ZNF112: variants seen among roughly 807,000 people sequenced by gnomAD.
ZNF112 encodes the protein zinc finger protein 112 (Y14).
A neutral mutation model predicts 77.7 loss-of-function variants in ZNF112; 37 were observed. That is an observed-to-expected ratio of 0.48 (90% CI 0.37 to 0.63). ZNF112 has a LOEUF of 0.63. ZNF112 is among the 20% of genes least tolerant of loss of function. The pLI is 0.00. For missense variants in ZNF112, 950 were observed against 1,077.4 expected (o/e 0.88, Z 1.66); for synonymous variants, 333 against 363.6 (o/e 0.92, Z 0.96).
chr19:44,360,165 A>G (rs1385283532), upstream of ZNF112, among the ~76,000 whole-genome samples: 1 of 151,662 alleles, frequency 6.6e-6, no homozygotes, highest in Non-Finnish European at 1.5e-5. Context: ...CTGAGGTGGG[A>G]GAATCGCTTG....
At chr19:44,351,332 G>GA (rs1480875525) in intron 1 of ZNF112, among the ~76,000 whole-genome samples, 2 of 152,020 alleles carry the variant, frequency 1.3e-5, no homozygotes, top group African/African-American at 4.8e-5. Context: ...TGGGAATTAG[G>GA]ATATGGACAT....
At chr19:44,357,664 G>T (rs1048676207), upstream of ZNF112, among the ~76,000 whole-genome samples, 2 of 152,154 alleles carry the variant, frequency 1.3e-5, no homozygotes, top group African/African-American at 4.8e-5. Context: ...ATGATGAAAT[G>T]CAAGTCATAA....
upstream of ZNF112, among the ~76,000 whole-genome samples, chr19:44,357,001 G>A (rs1444175976): frequency 1.3e-5 from 2 of 152,174 alleles, no homozygotes; most frequent in Non-Finnish European, 2.9e-5. Flanking sequence ...TGCATGAAAG[G>A]CGCCTTTCCT....
chr19:44,347,418 T>G (rs1237233067), intron 1 of ZNF112, among the ~76,000 whole-genome samples: 1 of 151,882 alleles, frequency 6.6e-6, no homozygotes, highest in East Asian at 1.9e-4. Context: ...TTTTATTATC[T>G]TTTTTCCTGT....
chr19:44,337,871 A>G, intron 2 of ZNF112, among the ~76,000 whole-genome samples: 1 of 133,530 alleles, frequency 7.5e-6, no homozygotes, highest in African/African-American at 3.2e-5. Context: ...ACACACACAC[A>G]CACACACCCT....
intron 1 of ZNF112, among the ~76,000 whole-genome samples, chr19:44,342,674 G>T (rs187145031): frequency 1.3e-5 from 2 of 151,968 alleles, no homozygotes; most frequent in Non-Finnish European, 2.9e-5. Context: ...AAAATAGCTC[G>T]GTGTGGTGGC....
chr19:44,345,792 T>C (rs1970577876), intron 1 of ZNF112, among the ~76,000 whole-genome samples: 1 of 152,178 alleles, frequency 6.6e-6, no homozygotes, highest in African/African-American at 2.4e-5. Context: ...GTCAATCACT[T>C]GATCTCATAA....
intron 1 of ZNF112, among the ~76,000 whole-genome samples, chr19:44,350,271 T>G (rs1035773905): frequency 2.0e-5 from 3 of 152,080 alleles, no homozygotes; most frequent in Non-Finnish European, 4.4e-5. Flanking sequence ...ACAGTGAACT[T>G]CATTCAAACT....
At chr19:44,334,140 T>C (rs998760723) in intron 3 of ZNF112, among the ~76,000 whole-genome samples, 3 of 152,204 alleles carry the variant, frequency 2.0e-5, no homozygotes, top group African/African-American at 7.2e-5. Flanking sequence ...ATTTATACAT[T>C]TTCCCAACAT....
At position 44,340,470 on chromosome 19, in the gene ZNF112, T is replaced by C; in HGVS notation, c.70A>G (p.Arg24Gly). The change falls in exon 2 of 4, where the codon AGG becomes GGG. Residue 24 changes from arginine (R) to glycine (G), a missense_variant. Arg to Gly is a moderately radical substitution (Grantham distance 125). Transcript: ENST00000354340. Reference protein sequence around the residue: ...EELGLLDSVQRKLYRDVMLEN... With the variant: ...EELGLLDSVQGKLYRDVMLEN... Reference sequence around the variant, plus strand: ...AGCATCACATCTCGGTACAGCTTCCTCTGGACAGAGTCCAGCAGCCCCAGC... The same window carrying C: ...AGCATCACATCTCGGTACAGCTTCCCCTGGACAGAGTCCAGCAGCCCCAGC... 1 of 1,614,074 alleles carries C rather than the reference T, an allele frequency of 6.2e-7. No individual in the cohort carries two copies. The highest frequency in any genetic ancestry group is 8.5e-7 in the Non-Finnish European group (1 of 1,179,974).
chr19:44,364,970 G>A (rs570028309), intron 1 of ZNF112, among the ~76,000 whole-genome samples: 2 of 152,250 alleles, frequency 1.3e-5, no homozygotes, highest in South Asian at 4.1e-4. Context: ...GGTATTATCA[G>A]ATTAATGCTG....
chr19:44,327,931 C>T lies in ZNF112; in HGVS notation c.2226G>A (p.Pro742=), dbSNP rs61733035. 2,620 of 1,609,758 alleles carry T rather than the reference C, an allele frequency of 1.6e-3. 38 individuals carry two copies. In the African/African-American group the frequency reaches 0.031, roughly 19 times the overall value. Residue 742 remains proline (P), a synonymous_variant, in exon 4 of 4, where the codon CCG becomes CCA. Coordinates refer to ENST00000354340, the MANE Select transcript of ZNF112 (RefSeq NM_013380.4). ...CCTTCCCACACATCTCACATTTATA[C>T]GGTTTCACTCTAGTGTGGACTCTCT... The part of the protein sequence containing the change: ...GHQRVHTRVK[P]YKCEMCGKGF...
intron 1 of ZNF112, among the ~76,000 whole-genome samples, chr19:44,342,598 C>T (rs1349604552): frequency 6.6e-6 from 1 of 151,944 alleles, no homozygotes; most frequent in African/African-American, 2.4e-5. Context: ...ACGTAGATCA[C>T]GAGGTCAGGA....
chr19:44,330,633 G>A (rs1473923031), intron 3 of ZNF112, among the ~76,000 whole-genome samples: 2 of 152,290 alleles, frequency 1.3e-5, no homozygotes, highest in Middle Eastern at 3.4e-3. Flanking sequence ...TTACTGAGGA[G>A]GCTGAGGCAG....
At position 44,327,783 on chromosome 19, in the gene ZNF112, C is replaced by A. The variant is rs150947571; in HGVS notation, c.2374G>T (p.Val792Phe). ...ESSRLQAHQRVHVEGRPYKCE... is the reference protein window; with the variant it reads ...ESSRLQAHQRFHVEGRPYKCE... The stretch of plus-strand genomic sequence containing the variant: ...TTATAGGGTCTCCCTTCCACATGAA[C>A]CCTTTGGTGTGCTTGAAGGCGTGAA... Residue 792 changes from valine (V) to phenylalanine (F), a missense_variant, in exon 4 of 4, where the codon GTT becomes TTT. By Grantham distance (50) the Val-to-Phe change is conservative. Transcript: ENST00000354340. 2 of 1,614,092 alleles carry A rather than the reference C, an allele frequency of 1.2e-6. No individual in the cohort carries two copies. Among genetic ancestry groups the A allele is most frequent in the South Asian group, 2.2e-5 (2 of 91,080 alleles).
At chr19:44,350,729 G>A (rs1970675388) in intron 1 of ZNF112, among the ~76,000 whole-genome samples, 1 of 152,028 alleles carries the variant, frequency 6.6e-6, no homozygotes, top group African/African-American at 2.4e-5. Context: ...CCAAACTTCA[G>A]AATTGTAGCA....
upstream of ZNF112, among the ~76,000 whole-genome samples, chr19:44,359,439 C>T (rs2722741): frequency 0.28 from 41,452 of 150,648 alleles, 6,917 homozygotes; most frequent in African/African-American, 0.47. Flanking sequence ...TTCTCCTGCC[C>T]CAGCCTCCCG....
chr19:44,355,504 T>C (rs1045921018), intron 1 of ZNF112, among the ~76,000 whole-genome samples: 9 of 152,174 alleles, frequency 5.9e-5, no homozygotes, highest in African/African-American at 2.2e-4. Flanking sequence ...AAAATCCAAA[T>C]ATGTGTTCTG....
At chr19:44,357,669 T>A (rs909809544), upstream of ZNF112, among the ~76,000 whole-genome samples, 4 of 152,126 alleles carry the variant, frequency 2.6e-5, no homozygotes, top group African/African-American at 9.7e-5. Context: ...GAAATGCAAG[T>A]CATAAGGCAA....
Sources: gnomAD v4.1 joint callset for allele counts (sites outside exome capture counted in the v4.1 genomes callset) on GRCh38, gnomAD v4.1.1 for gene constraint, MANE v1.5 for transcripts, NCBI Gene and HGNC (gene_info 2026-07-23, HGNC 2026-07-21) for gene names.